The following CTNND2 variants were observed in gnomAD, a reference collection of about 807,000 sequenced individuals.
The protein encoded by CTNND2 is catenin delta-2.
Under a neutral mutation model 144.4 loss-of-function variants are expected in CTNND2, and 22 were observed. The observed-to-expected ratio is 0.15, with a 90% CI of 0.11 to 0.22. The LOEUF (loss-of-function observed/expected upper bound fraction) is 0.22. Among genes scored for constraint, CTNND2 ranks in the 10% least tolerant of loss-of-function variants. The probability of loss-of-function intolerance (pLI) is 1.00; values close to 1 mark genes in which losing one functional copy is unlikely to be tolerated. For synonymous variants in CTNND2, 751 were observed against 695.6 expected (o/e 1.08, Z -1.25); for missense variants, 1,353 against 1,618.8 (o/e 0.84, Z 2.82).
intron 2 of CTNND2, among the ~76,000 whole-genome samples, chr5:11,589,426 A>T (rs440606): frequency 0.53 from 80,955 of 151,878 alleles, 21,754 homozygotes; most frequent in Middle Eastern, 0.76. Context: ...TTTAGAGTTC[A>T]TATTCAAAGC....
chr5:11,249,506 G>C (rs1050151190), intron 9 of CTNND2, among the ~76,000 whole-genome samples: 3 of 152,122 alleles, frequency 2.0e-5, no homozygotes, highest in Non-Finnish European at 4.4e-5. Flanking sequence ...ATCTTATCTA[G>C]AAGGAGAAAA....
rs1277066650 is a variant in CTNND2 at position 11,409,626 on chromosome 5, A to G, written c.439+1910T>C. On this transcript the variant is annotated intron_variant, in intron 5 of 21. Coordinates refer to ENST00000304623, the MANE Select transcript of CTNND2 (RefSeq NM_001332.4). ...TTGAGTATGAGCTTAACACATCTTT[A>G]TAAGTTAAGACAGCTCACTACATAA... is the stretch of plus-strand genomic sequence containing the variant. Among the ~76,000 whole-genome samples the G allele has an allele frequency of 2.0e-5, 3 of 152,068 alleles. No homozygotes were observed. In the East Asian group the frequency reaches 5.8e-4, roughly 29 times the overall value.
chr5:11,001,852 A>AG (rs60580493), intron 18 of CTNND2, among the ~76,000 whole-genome samples: 12,647 of 152,214 alleles, frequency 0.083, 1,780 homozygotes, highest in African/African-American at 0.29. Flanking sequence ...TTTCAGTGTG[A>AG]GTACATACAA....
chr5:11,716,217 A>C (rs180797906), intron 2 of CTNND2, among the ~76,000 whole-genome samples: 1 of 152,222 alleles, frequency 6.6e-6, no homozygotes, highest in Non-Finnish European at 1.5e-5. Flanking sequence ...GTGATACTAC[A>C]TCATTATCAA....
At chr5:11,104,278 A>G (rs769469252) in intron 14 of CTNND2, among the ~76,000 whole-genome samples, 11 of 152,182 alleles carry the variant, frequency 7.2e-5, no homozygotes, top group South Asian at 4.1e-4. Flanking sequence ...TCAGGGAAAC[A>G]TTCTGATTTT....
At chr5:11,528,040 G>C (rs896890638) in intron 3 of CTNND2, among the ~76,000 whole-genome samples, 1 of 152,218 alleles carries the variant, frequency 6.6e-6, no homozygotes, top group Non-Finnish European at 1.5e-5. Flanking sequence ...AACCCATGCA[G>C]TATGAGCACT....
intron 1 of CTNND2, among the ~76,000 whole-genome samples, chr5:11,759,677 C>G (rs1789149701): frequency 1.3e-5 from 2 of 152,084 alleles, no homozygotes; most frequent in African/African-American, 4.8e-5. Context: ...GAGGTAATAA[C>G]ATTCTAAGTT....
intron 9 of CTNND2, among the ~76,000 whole-genome samples, chr5:11,258,104 C>A (rs963725446): frequency 6.6e-6 from 1 of 152,162 alleles, no homozygotes; most frequent in African/African-American, 2.4e-5. Context: ...CCCTGAGTGC[C>A]GTGTTGGCAG....
intron 3 of CTNND2, among the ~76,000 whole-genome samples, chr5:11,520,683 C>G (rs1477204647): frequency 6.6e-6 from 1 of 152,230 alleles, no homozygotes; most frequent in Non-Finnish European, 1.5e-5. Context: ...TTGTGGCCCT[C>G]ATCCAGGCAT....
chr5:11,091,992 T>A (rs1750821799), intron 15 of CTNND2, among the ~76,000 whole-genome samples: 1 of 152,160 alleles, frequency 6.6e-6, no homozygotes, highest in Admixed American at 6.5e-5. Flanking sequence ...CACTTTGATA[T>A]CTCCCGATTC....
intron 1 of CTNND2, among the ~76,000 whole-genome samples, chr5:11,847,518 G>A (rs564026655): frequency 3.3e-5 from 5 of 152,090 alleles, no homozygotes; most frequent in Admixed American, 3.3e-4. Flanking sequence ...AGTTTGGTCA[G>A]TAGTTATAAA....
chr5:11,737,215 T>C (rs1487193134), intron 1 of CTNND2, among the ~76,000 whole-genome samples: 2 of 152,174 alleles, frequency 1.3e-5, no homozygotes, highest in African/African-American at 2.4e-5. Context: ...CTCACCACAA[T>C]GTTAACCACA....
At chr5:11,287,961 C>T (rs1049909470) in intron 9 of CTNND2, among the ~76,000 whole-genome samples, 2 of 152,086 alleles carry the variant, frequency 1.3e-5, no homozygotes. Flanking sequence ...TTTGTAACAG[C>T]AAATAATTTA....
At chr5:11,503,427 C>T (rs987713696) in intron 3 of CTNND2, among the ~76,000 whole-genome samples, 13 of 152,200 alleles carry the variant, frequency 8.5e-5, no homozygotes, top group African/African-American at 3.1e-4. Context: ...ATGTGACCCT[C>T]AAATGTCTCC....
intron 1 of CTNND2, among the ~76,000 whole-genome samples, chr5:11,743,453 C>T (rs1303432632): frequency 2.0e-5 from 3 of 152,134 alleles, no homozygotes; most frequent in African/African-American, 2.4e-5. Context: ...AAGTGGCTTC[C>T]AAGGTAGAAT....
At chr5:11,367,895 T>C (rs1038342301) in intron 7 of CTNND2, among the ~76,000 whole-genome samples, 4 of 152,196 alleles carry the variant, frequency 2.6e-5, no homozygotes, top group African/African-American at 9.7e-5. Flanking sequence ...ATAATCCCTG[T>C]GTCTATAAAG....
At chr5:10,990,785 T>C (rs1738588446) in intron 19 of CTNND2, among the ~76,000 whole-genome samples, 1 of 152,202 alleles carries the variant, frequency 6.6e-6, no homozygotes, top group South Asian at 2.1e-4. Flanking sequence ...TGTCTGGATG[T>C]GCCTCGCCTA....
At chr5:11,803,306 G>A (rs912991744) in intron 1 of CTNND2, among the ~76,000 whole-genome samples, 7 of 142,104 alleles carry the variant, frequency 4.9e-5, no homozygotes, top group East Asian at 2.1e-4. Context: ...GCAACAGAGC[G>A]AGACTGCGTC....
At chr5:11,183,291 A>G (rs1735281454) in intron 11 of CTNND2, among the ~76,000 whole-genome samples, 1 of 152,154 alleles carries the variant, frequency 6.6e-6, no homozygotes, top group Non-Finnish European at 1.5e-5. Flanking sequence ...ACAAATTTCT[A>G]TCTCCTGTTA....
Sources: allele counts gnomAD v4.1 joint callset (sites outside exome capture counted in the v4.1 genomes callset), GRCh38; gene constraint gnomAD v4.1.1; transcripts MANE v1.5; gene names NCBI Gene and HGNC (gene_info 2026-07-23, HGNC 2026-07-21).